The following SLC4A10 variants were observed in gnomAD, a reference collection of about 807,000 sequenced individuals.
SLC4A10 encodes sodium-driven chloride bicarbonate exchanger.
Under a neutral mutation model 137.7 loss-of-function variants are expected in SLC4A10, and 42 were observed. The ratio of observed to expected loss-of-function variants is 0.30; its 90% CI spans 0.24 to 0.39. The LOEUF (loss-of-function observed/expected upper bound fraction) is 0.39, where lower values mean the gene tolerates loss of function less well. SLC4A10 is among the 10% of genes least tolerant of loss of function. The pLI is 1.00. For synonymous variants in SLC4A10, 474 were observed against 464.1 expected (o/e 1.02, Z -0.27); for missense variants, 925 against 1,355.0 (o/e 0.68, Z 4.98).
chr2:161,975,715 C>CAGGGTCATATGAAA (rs1442773853), intron 24 of SLC4A10, among the ~76,000 whole-genome samples: 13 of 152,180 alleles, frequency 8.5e-5, no homozygotes, highest in African/African-American at 2.9e-4. Context: ...TATCACCAAT[C>CAGGGTCATATGAAA]AGGGTCATAT....
At chr2:161,663,171 T>A (rs181246083) in intron 1 of SLC4A10, among the ~76,000 whole-genome samples, 15 of 152,326 alleles carry the variant, frequency 9.8e-5, no homozygotes, top group Admixed American at 3.9e-4. Context: ...CATATCTTGT[T>A]TCATTTCTGA....
chr2:161,857,318 ATTC>A (rs1311356098), intron 5 of SLC4A10, among the ~76,000 whole-genome samples: 1 of 152,176 alleles, frequency 6.6e-6, no homozygotes, highest in Non-Finnish European at 1.5e-5. Flanking sequence ...GCTTTTTAGT[ATTC>A]TTTCTGCTCT....
intron 10 of SLC4A10, among the ~76,000 whole-genome samples, chr2:161,886,130 C>T (rs1279573626): frequency 6.6e-6 from 1 of 152,028 alleles, no homozygotes; most frequent in Non-Finnish European, 1.5e-5. Flanking sequence ...ATAGTAAAGC[C>T]ATTACATATT....
chr2:161,713,542 G>A (rs530897773), intron 1 of SLC4A10, among the ~76,000 whole-genome samples: 2 of 151,880 alleles, frequency 1.3e-5, no homozygotes, highest in South Asian at 4.2e-4. Flanking sequence ...TGTCCGTGAT[G>A]TAAACTCCAT....
intron 1 of SLC4A10, among the ~76,000 whole-genome samples, chr2:161,730,159 C>G: frequency 6.6e-6 from 1 of 152,182 alleles, no homozygotes; most frequent in Non-Finnish European, 1.5e-5. Context: ...GCACTTTTAT[C>G]TCTGTCTCAG....
intron 23 of SLC4A10, among the ~76,000 whole-genome samples, chr2:161,966,215 A>G (rs1697550998): frequency 6.6e-6 from 1 of 152,180 alleles, no homozygotes; most frequent in Admixed American, 6.5e-5. Flanking sequence ...TGTAATTGGT[A>G]ATTCCCTTAC....
At chr2:161,732,468 C>A (rs1559130007) in intron 1 of SLC4A10, among the ~76,000 whole-genome samples, 1 of 152,156 alleles carries the variant, frequency 6.6e-6, no homozygotes, top group South Asian at 2.1e-4. Context: ...AAACACAGAT[C>A]CCTTACAGTA....
chr2:161,736,135 A>G (rs1012393531), intron 1 of SLC4A10, among the ~76,000 whole-genome samples: 7 of 151,988 alleles, frequency 4.6e-5, no homozygotes, highest in South Asian at 2.1e-4. Flanking sequence ...TTAAATATAT[A>G]TTTTTTCTTT....
intron 1 of SLC4A10, among the ~76,000 whole-genome samples, chr2:161,682,197 C>G (rs988591337): frequency 1.3e-5 from 2 of 152,106 alleles, no homozygotes; most frequent in African/African-American, 4.8e-5. Flanking sequence ...TTATATCCCC[C>G]TCTCGAATTT....
At chr2:161,868,825 A>G (rs34185330) in intron 6 of SLC4A10, among the ~76,000 whole-genome samples, 3,287 of 151,744 alleles carry the variant, frequency 0.022, 56 homozygotes, top group Non-Finnish European at 0.031. Flanking sequence ...GTTTTTTAAT[A>G]ACTTACCATG....
At chr2:161,947,962 G>A (rs892900660) in intron 17 of SLC4A10, among the ~76,000 whole-genome samples, 33 of 152,004 alleles carry the variant, frequency 2.2e-4, no homozygotes, top group Non-Finnish European at 4.4e-5. Flanking sequence ...TCCTACTGAC[G>A]TTTTTGGAAA....
In SLC4A10 at chr2:161,899,924, T is replaced by C. The variant is rs922468317; in HGVS notation, c.1342-987T>C. Among the ~76,000 whole-genome samples the C allele has an allele frequency of 1.3e-5, 2 of 152,134 alleles. 1 individual carries two copies. The highest frequency in any genetic ancestry group is 4.1e-4 in the South Asian group (2 of 4,830). On this transcript the variant is annotated intron_variant, in intron 11 of 26. Transcript: ENST00000446997. ...CTTATATTGAGCATTTTTCAAAACC[T>C]TTTTTATGTTTTAAACCTGTATCAT...
intron 1 of SLC4A10, among the ~76,000 whole-genome samples, chr2:161,725,446 T>C (rs1163877121): frequency 6.6e-6 from 1 of 152,220 alleles, no homozygotes; most frequent in Non-Finnish European, 1.5e-5. Flanking sequence ...ACTGTAATTA[T>C]ATGCAACACT....
chr2:161,751,590 T>G (rs993130227), intron 1 of SLC4A10, among the ~76,000 whole-genome samples: 4 of 151,850 alleles, frequency 2.6e-5, no homozygotes, highest in African/African-American at 4.8e-5. Flanking sequence ...TGATCATATA[T>G]AGATATTTAT....
chr2:161,867,473 T>C (rs1368323127), intron 6 of SLC4A10, among the ~76,000 whole-genome samples: 1 of 152,024 alleles, frequency 6.6e-6, no homozygotes, highest in African/African-American at 2.4e-5. Context: ...TTAAACATTG[T>C]TTAATAAATA....
rs2060513635 is a variant in SLC4A10 at position 161,862,920 on chromosome 2, T to A, written c.624T>A (p.Asp208Glu). ...QQVSSGQLNE[D>E]VRHRVHEALM... is the part of the protein sequence containing the mutation. ...TGAGCTCAGGTCAGCTGAATGAAGA[T>A]GTACGCCATAGGGTCCATGAGGCAT... The change falls in exon 6 of 27, where the codon GAT becomes GAA. Residue 208 changes from aspartate (D) to glutamate (E), a missense_variant. Asp to Glu is a conservative substitution (Grantham distance 45, BLOSUM62 2). Transcript: ENST00000446997. 6.2e-7 allele frequency: 1 copy of A among 1,612,090 alleles called. No individual in the cohort carries two copies. The highest frequency in any genetic ancestry group is 8.5e-7 in the Non-Finnish European group (1 of 1,178,988).
At chr2:161,901,362 A>G (rs1683066368) in intron 12 of SLC4A10, among the ~76,000 whole-genome samples, 1 of 151,994 alleles carries the variant, frequency 6.6e-6, no homozygotes, top group African/African-American at 2.4e-5. Flanking sequence ...AATACCAACA[A>G]CTCAGTCTTG....
chr2:161,877,439 C>T (rs1046668848), intron 8 of SLC4A10, among the ~76,000 whole-genome samples: 8 of 151,958 alleles, frequency 5.3e-5, no homozygotes, highest in Admixed American at 3.9e-4. Flanking sequence ...GTTTTCCTCA[C>T]AGAGCTGATA....
chr2:161,663,068 G>T (rs1374925339), intron 1 of SLC4A10, among the ~76,000 whole-genome samples: 2 of 152,182 alleles, frequency 1.3e-5, no homozygotes, highest in Admixed American at 6.5e-5. Flanking sequence ...AATTGCTCTT[G>T]TAAATTAGAT....
Sources: gnomAD v4.1 joint callset for allele counts (sites outside exome capture counted in the v4.1 genomes callset) on GRCh38, gnomAD v4.1.1 for gene constraint, MANE v1.5 for transcripts, NCBI Gene and HGNC (gene_info 2026-07-23, HGNC 2026-07-21) for gene names.